The following RAD54B variants were observed in gnomAD, a reference collection of about 807,000 sequenced individuals.
RAD54B encodes the protein RAD54 homolog B.
RAD54B carries 78 observed loss-of-function variants against 95.8 expected under a neutral mutation model. The ratio of observed to expected loss-of-function variants is 0.81; its 90% CI spans 0.68 to 0.98. The LOEUF is 0.98. Ranked by LOEUF, RAD54B falls within the 50% of genes least tolerant of loss-of-function variation. RAD54B has a pLI of 0.00. For missense variants in RAD54B, 957 were observed against 1,056.6 expected (o/e 0.91, Z 1.31); for synonymous variants, 328 against 354.9 (o/e 0.92, Z 0.85).
In RAD54B at chr8:94,471,183, C is replaced by T. The variant is rs571570479; in HGVS notation, c.-16-3628G>A. 9.3e-5 allele frequency among the ~76,000 whole-genome samples: 14 copies of T among 150,748 alleles called. No homozygotes were observed. In the South Asian group the frequency reaches 1.5e-3, roughly 16 times the overall value. On this transcript the variant is annotated intron_variant, in intron 1 of 14. Transcript: ENST00000336148. ...CTATTAACTCAGGCATGAAATCTTA[C>T]GTACAATTCATCAGTATATCGCCAG...
chr8:94,460,080 C>T (rs1204650972), intron 2 of RAD54B, among the ~76,000 whole-genome samples: 1 of 152,034 alleles, frequency 6.6e-6, no homozygotes, highest in Non-Finnish European at 1.5e-5. Flanking sequence ...ACGGCGTGAA[C>T]CCAGGAGGCA....
At chr8:94,453,260 G>A (rs1051370516) in intron 3 of RAD54B, among the ~76,000 whole-genome samples, 8 of 152,162 alleles carry the variant, frequency 5.3e-5, no homozygotes, top group Non-Finnish European at 1.2e-4. Flanking sequence ...CGGGCACAGC[G>A]GCTCACGTCT....
At chr8:94,458,486 G>C in intron 2 of RAD54B, 50 bp from the exon 3 acceptor site, 1 of 1,228,462 alleles carries the variant, frequency 8.1e-7, no homozygotes, top group Non-Finnish European at 1.1e-6. Context: ...CTAATTTTCT[G>C]TATTTTCTGT....
At chr8:94,422,650 ATAT>A (rs1490146007) in intron 3 of RAD54B, among the ~76,000 whole-genome samples, 35 of 122,854 alleles carry the variant, frequency 2.8e-4, no homozygotes, top group Non-Finnish European at 5.3e-4. Context: ...ATATATATAT[ATAT>A]AAAATTATCA....
intron 11 of RAD54B, among the ~76,000 whole-genome samples, chr8:94,386,418 T>C (rs1378896584): frequency 6.6e-6 from 1 of 152,118 alleles, no homozygotes; most frequent in Non-Finnish European, 1.5e-5. Context: ...AAGATAGATT[T>C]AGATGTCCAT....
intron 1 of RAD54B, among the ~76,000 whole-genome samples, chr8:94,469,011 G>A (rs1339750154): frequency 1.3e-5 from 2 of 150,942 alleles, no homozygotes; most frequent in East Asian, 1.9e-4. Context: ...AACAGGTTCA[G>A]GCTGGGCAAA....
At chr8:94,420,211 T>G (rs1385422036) in intron 3 of RAD54B, among the ~76,000 whole-genome samples, 1 of 151,618 alleles carries the variant, frequency 6.6e-6, no homozygotes, top group African/African-American at 2.4e-5. Flanking sequence ...TCTAAATCAA[T>G]ATATCGACAT....
intron 6 of RAD54B, 107 bp from the exon 7 acceptor site, chr8:94,400,570 T>C (rs1385639484): frequency 1.7e-5 from 14 of 847,688 alleles, no homozygotes; most frequent in Non-Finnish European, 2.0e-5. Context: ...CTGAAGACTT[T>C]TAGTACTTCA....
At chr8:94,463,819 G>A (rs1478254000) in intron 2 of RAD54B, among the ~76,000 whole-genome samples, 6 of 150,226 alleles carry the variant, frequency 4.0e-5, no homozygotes, top group Non-Finnish European at 5.9e-5. Flanking sequence ...GGAGATGGAG[G>A]TGGGAGGATC....
intron 2 of RAD54B, among the ~76,000 whole-genome samples, chr8:94,463,788 G>A (rs1345109131): frequency 6.6e-6 from 1 of 150,670 alleles, no homozygotes; most frequent in African/African-American, 2.4e-5. Flanking sequence ...GATGGCACAT[G>A]CCTGTGGTCC....
intron 8 of RAD54B, among the ~76,000 whole-genome samples, chr8:94,396,509 G>GC (rs1165293969): frequency 2.0e-5 from 3 of 151,756 alleles, no homozygotes; most frequent in Non-Finnish European, 4.4e-5. Flanking sequence ...TCCACAGAAA[G>GC]CTCTGAGAGC....
intron 3 of RAD54B, among the ~76,000 whole-genome samples, chr8:94,440,519 G>A (rs1239642407): frequency 6.6e-6 from 1 of 152,174 alleles, no homozygotes; most frequent in African/African-American, 2.4e-5. Flanking sequence ...TTATGGAACT[G>A]GTAAAAGACA....
chr8:94,454,857 T>C (rs1812744829), intron 3 of RAD54B, among the ~76,000 whole-genome samples: 1 of 152,194 alleles, frequency 6.6e-6, no homozygotes, highest in Non-Finnish European at 1.5e-5. Flanking sequence ...TATAAACCCT[T>C]GAGAATATGC....
At chr8:94,373,317 C>T (rs67808321) in intron 14 of RAD54B, among the ~76,000 whole-genome samples, 52,838 of 152,026 alleles carry the variant, frequency 0.35, 9,476 homozygotes, top group Admixed American at 0.48. Flanking sequence ...AGAGGCCAGC[C>T]GTTATTCACC....
At chr8:94,462,753 T>C (rs1240206167) in intron 2 of RAD54B, among the ~76,000 whole-genome samples, 1 of 152,186 alleles carries the variant, frequency 6.6e-6, no homozygotes, top group East Asian at 1.9e-4. Context: ...AAAATTGCTG[T>C]ATAATTTCAA....
chr8:94,421,812 T>C (rs1811813310), intron 3 of RAD54B, among the ~76,000 whole-genome samples: 1 of 152,240 alleles, frequency 6.6e-6, no homozygotes, highest in Admixed American at 6.5e-5. Flanking sequence ...TGATCTGAAT[T>C]TTGGTATTAC....
chr8:94,464,285 T>TGA (rs1241842309), intron 2 of RAD54B, among the ~76,000 whole-genome samples: 2 of 152,032 alleles, frequency 1.3e-5, no homozygotes, highest in Non-Finnish European at 2.9e-5. Context: ...GAAGGAAACA[T>TGA]GAGAACTCAA....
chr8:94,427,653 A>C, intron 3 of RAD54B: 1 of 936,666 alleles, frequency 1.1e-6, no homozygotes, highest in South Asian at 4.9e-5. Context: ...TCATCAAAAA[A>C]TTTTACCTCT....
rs1811326406 is a variant in RAD54B at position 94,404,146 on chromosome 8, A to C, written c.875T>G (p.Leu292Arg). The change falls in exon 6 of 15, where the codon CTT becomes CGT. Residue 292 changes from leucine (L) to arginine (R), a missense_variant. Physicochemically the swap from Leu to Arg is moderately radical, Grantham distance 102 (BLOSUM62 -2). Coordinates refer to ENST00000336148, the MANE Select transcript of RAD54B (RefSeq NM_012415.3). ...CTGATGTGGTCGAAGATGATATACA[A>C]GGTAAGGATCAATCACTACATCCAC... Reference protein sequence around the residue: ...PLVDVVIDPYLVYHLRPHQKE... With the variant: ...PLVDVVIDPYRVYHLRPHQKE... The C allele has an allele frequency of 6.2e-7, 1 of 1,610,848 alleles. No individual in the cohort carries two copies. The highest frequency in any genetic ancestry group is 8.5e-7 in the Non-Finnish European group (1 of 1,177,534).
Sources: gnomAD v4.1 joint callset for allele counts (sites outside exome capture counted in the v4.1 genomes callset) on GRCh38, gnomAD v4.1.1 for gene constraint, MANE v1.5 for transcripts, NCBI Gene and HGNC (gene_info 2026-07-23, HGNC 2026-07-21) for gene names.